Variants in NKAIN3 observed in about 807,000 individuals in gnomAD.
NKAIN3 encodes the protein sodium/potassium-transporting ATPase subunit beta-1-interacting protein 3.
NKAIN3 carries 25 observed loss-of-function variants against 30.2 expected under a neutral mutation model. That is an observed-to-expected ratio of 0.83 (90% confidence interval 0.60 to 1.16). The LOEUF is 1.16. Ranked by LOEUF, NKAIN3 falls within the 50% of genes most tolerant of loss-of-function variation. The pLI is 0.00. For synonymous variants in NKAIN3, 91 were observed against 89.6 expected (o/e 1.02, Z -0.09); for missense variants, 225 against 254.1 (o/e 0.89, Z 0.78).
chr8:62,355,762 C>A (rs922152649), intron 1 of NKAIN3, among the ~76,000 whole-genome samples: 15 of 152,114 alleles, frequency 9.9e-5, no homozygotes. Flanking sequence ...CATGCATTTG[C>A]GACATTTAGA....
chr8:62,934,369 C>A (rs1378803223), intron 5 of NKAIN3, among the ~76,000 whole-genome samples: 1 of 45,010 alleles, frequency 2.2e-5, no homozygotes, highest in Non-Finnish European at 4.0e-5. Flanking sequence ...CAAAGCAGGA[C>A]CCTGTCTCTT....
chr8:62,855,937 T>C, intron 4 of NKAIN3: 1 of 740,184 alleles, frequency 1.4e-6, no homozygotes, highest in Non-Finnish European at 2.5e-6. Flanking sequence ...ACAACCTCCT[T>C]GTCCAGACAC....
At chr8:62,372,175 G>C (rs1002822542) in intron 1 of NKAIN3, among the ~76,000 whole-genome samples, 34 of 151,696 alleles carry the variant, frequency 2.2e-4, no homozygotes, top group African/African-American at 8.0e-4. Context: ...ACTGAAACAT[G>C]AATCTTTTGC....
At chr8:62,491,483 G>T (rs959974632) in intron 1 of NKAIN3, among the ~76,000 whole-genome samples, 2 of 152,176 alleles carry the variant, frequency 1.3e-5, no homozygotes, top group African/African-American at 4.8e-5. Flanking sequence ...TCTTTTGAAA[G>T]ACTTTGCTAT....
chr8:62,434,271 C>CT (rs1365109826), intron 1 of NKAIN3, among the ~76,000 whole-genome samples: 1 of 152,176 alleles, frequency 6.6e-6, no homozygotes, highest in Non-Finnish European at 1.5e-5. Flanking sequence ...CATTTAGACA[C>CT]TGCTGCCATC....
chr8:62,540,853 G>T (rs1411976147), intron 1 of NKAIN3, among the ~76,000 whole-genome samples: 1 of 151,924 alleles, frequency 6.6e-6, no homozygotes, highest in Non-Finnish European at 1.5e-5. Flanking sequence ...GGTGAAAGAA[G>T]ATGTTTTGTT....
intron 1 of NKAIN3, among the ~76,000 whole-genome samples, chr8:62,443,116 G>A (rs1050527313): frequency 6.6e-6 from 1 of 151,690 alleles, no homozygotes; most frequent in Non-Finnish European, 1.5e-5. Context: ...AAAAGTTCTA[G>A]AATTTTTCTT....
At chr8:62,933,555 A>AT (rs1457917141) in intron 5 of NKAIN3, among the ~76,000 whole-genome samples, 3 of 152,148 alleles carry the variant, frequency 2.0e-5, no homozygotes, top group Non-Finnish European at 2.9e-5. Context: ...TTGGACCATG[A>AT]TTTTTTCTCT....
At chr8:62,470,151 G>A (rs1191608183) in intron 1 of NKAIN3, among the ~76,000 whole-genome samples, 1 of 152,174 alleles carries the variant, frequency 6.6e-6, no homozygotes, top group Non-Finnish European at 1.5e-5. Context: ...GTAGCAATAT[G>A]CAAGTGTGCA....
chr8:62,693,873 C>T (rs1191921938), intron 3 of NKAIN3, among the ~76,000 whole-genome samples: 1 of 152,030 alleles, frequency 6.6e-6, no homozygotes, highest in Non-Finnish European at 1.5e-5. Context: ...TACAGAAGTA[C>T]ATCATGACTT....
chr8:62,490,159 G>A (rs936415716), intron 1 of NKAIN3, among the ~76,000 whole-genome samples: 3 of 152,202 alleles, frequency 2.0e-5, no homozygotes, highest in Non-Finnish European at 2.9e-5. Flanking sequence ...AGCAGTTTCT[G>A]TAGAGGTTTT....
intron 1 of NKAIN3, among the ~76,000 whole-genome samples, chr8:62,345,328 C>CAT (rs71259314): frequency 1.7e-5 from 2 of 117,432 alleles, no homozygotes; most frequent in Admixed American, 1.8e-4. Context: ...CATATATACA[C>CAT]ATATATGTAT....
At chr8:62,511,027 A>G (rs1807799819) in intron 1 of NKAIN3, among the ~76,000 whole-genome samples, 1 of 152,054 alleles carries the variant, frequency 6.6e-6, no homozygotes. Context: ...ACATAAACTC[A>G]ACAACTTGAT....
At chr8:62,923,572 G>A (rs988680705) in intron 5 of NKAIN3, among the ~76,000 whole-genome samples, 3 of 152,126 alleles carry the variant, frequency 2.0e-5, no homozygotes, top group African/African-American at 7.2e-5. Context: ...AAGGTATAGG[G>A]AGATAAAGTA....
chr8:62,288,780 T>C (rs1478064694), intron 1 of NKAIN3, among the ~76,000 whole-genome samples: 2 of 152,234 alleles, frequency 1.3e-5, no homozygotes, highest in Non-Finnish European at 2.9e-5. Flanking sequence ...CTGGGTCAAA[T>C]GGTATTTCTA....
chr8:62,279,542 A>G (rs1163715750), intron 1 of NKAIN3, among the ~76,000 whole-genome samples: 1 of 152,172 alleles, frequency 6.6e-6, no homozygotes. Context: ...TCTTGAATTA[A>G]TTGTTGTATA....
intron 4 of NKAIN3, among the ~76,000 whole-genome samples, chr8:62,821,251 T>C (rs1168862217): frequency 6.6e-6 from 1 of 152,190 alleles, no homozygotes; most frequent in Admixed American, 6.6e-5. Flanking sequence ...AATTTTACAT[T>C]ATTAAAATAG....
In NKAIN3 at chr8:62,976,724, T is replaced by G. The variant is rs1467572138; in HGVS notation, c.*11317T>G. On this transcript the variant is annotated 3_prime_UTR_variant, in exon 7 of 7. Coordinates refer to ENST00000623646, the MANE Select transcript of NKAIN3 (RefSeq NM_001304533.3). Reference sequence around the variant, plus strand: ...TTATGTGTGAATTTGATTCTGTCATTATGATGATAGCTGGTTATTTTGCCC... The same window carrying G: ...TTATGTGTGAATTTGATTCTGTCATGATGATGATAGCTGGTTATTTTGCCC... Among the ~76,000 whole-genome samples, 1 of 152,236 alleles carries G rather than the reference T, an allele frequency of 6.6e-6. No individual in the cohort carries two copies. Among genetic ancestry groups the G allele is most frequent in the Non-Finnish European group, 1.5e-5 (1 of 68,042 alleles).
At chr8:62,800,689 G>A (rs540813735) in intron 4 of NKAIN3, among the ~76,000 whole-genome samples, 318 of 152,304 alleles carry the variant, frequency 2.1e-3, no homozygotes, top group Non-Finnish European at 2.7e-3. Flanking sequence ...CGTGAGTGAC[G>A]CAGAAGACGG....
Sources: gnomAD v4.1 joint callset for allele counts (sites outside exome capture counted in the v4.1 genomes callset) on GRCh38, gnomAD v4.1.1 for gene constraint, MANE v1.5 for transcripts, NCBI Gene and HGNC (gene_info 2026-07-23, HGNC 2026-07-21) for gene names.